The following FAM110B variants were observed in gnomAD, a reference collection of about 807,000 sequenced individuals.
FAM110B encodes family with sequence similarity 110 member B.
In FAM110B, 6 loss-of-function variants were observed where a neutral mutation model predicts 20.4. The ratio of observed to expected loss-of-function variants is 0.29; its 90% CI spans 0.16 to 0.58. The LOEUF is 0.58. Ranked by LOEUF, FAM110B falls within the 20% of genes least tolerant of loss-of-function variation. FAM110B has a pLI of 0.90. For missense variants in FAM110B, 434 were observed against 498.2 expected (o/e 0.87, Z 1.23); for synonymous variants, 226 against 214.1 (o/e 1.06, Z -0.49).
chr8:58,034,272 C>T (rs557439691), intron 2 of FAM110B, among the ~76,000 whole-genome samples: 1 of 152,272 alleles, frequency 6.6e-6, no homozygotes, highest in South Asian at 2.1e-4. Flanking sequence ...CATTGAGTTG[C>T]CAGCTTTGAA....
chr8:58,094,880 G>T (rs530298469), intron 3 of FAM110B, among the ~76,000 whole-genome samples: 1 of 152,168 alleles, frequency 6.6e-6, no homozygotes, highest in African/African-American at 2.4e-5. Context: ...TCTTGTCTTG[G>T]ATTTTTTTTG....
rs1467354230 is a variant in FAM110B at position 58,021,071 on chromosome 8, CT to C, written c.-511-10529del. Among the ~76,000 whole-genome samples the C allele has an allele frequency of 3.9e-5, 6 of 152,196 alleles. No individual in the cohort carries two copies. The East Asian group carries it at 7.7e-4, about 20-fold the overall frequency. On this transcript the variant is annotated intron_variant, in intron 1 of 3. Transcript: ENST00000519262. ...TTTTTTGTTGCCATCGGATGGAAGGCTTTTTTGTGCTTCTAATTAGACACAG... is the reference window on the plus strand; with the variant it reads ...TTTTTTGTTGCCATCGGATGGAAGGCTTTTTGTGCTTCTAATTAGACACAG...
intron 1 of FAM110B, among the ~76,000 whole-genome samples, chr8:58,020,479 G>A (rs1658191918): frequency 6.6e-6 from 1 of 152,212 alleles, no homozygotes; most frequent in African/African-American, 2.4e-5. Context: ...CTAAAGAGCT[G>A]TATATTCAGA....
chr8:57,998,099 A>G (rs943697384), intron 1 of FAM110B, among the ~76,000 whole-genome samples: 2 of 152,234 alleles, frequency 1.3e-5, no homozygotes, highest in African/African-American at 4.8e-5. Flanking sequence ...ACTCATTGAC[A>G]TACTTTGAAT....
At chr8:58,006,923 A>ATTTTTTT (rs1554568496) in intron 1 of FAM110B, among the ~76,000 whole-genome samples, 17 of 126,536 alleles carry the variant, frequency 1.3e-4, no homozygotes, top group Admixed American at 1.0e-3. Context: ...ATATATATAT[A>ATTTTTTT]TTTTTCCAAA....
At chr8:58,005,673 G>A (rs772341616) in intron 1 of FAM110B, among the ~76,000 whole-genome samples, 10 of 152,152 alleles carry the variant, frequency 6.6e-5, no homozygotes, top group Non-Finnish European at 1.5e-4. Flanking sequence ...TCTGTAAGGT[G>A]CACATGGAGA....
chr8:58,003,833 A>C (rs1278398566), intron 1 of FAM110B, among the ~76,000 whole-genome samples: 1 of 152,214 alleles, frequency 6.6e-6, no homozygotes, highest in Non-Finnish European at 1.5e-5. Context: ...GCCCTGGGAC[A>C]TTCAGAATGG....
chr8:58,129,207 T>C lies in FAM110B; in HGVS notation c.-324-16700T>C, dbSNP rs922636295. On this transcript the variant is annotated intron_variant, in intron 3 of 3. Coordinates refer to ENST00000519262, the MANE Select transcript of FAM110B (RefSeq NM_001377989.1). ...GGAAGGGAAACCACCTGAGTCAGAG[T>C]TGGTCTGGAGAGGCAAGCATTACAC... Among the ~76,000 whole-genome samples, 5 of 152,038 alleles carry C rather than the reference T, an allele frequency of 3.3e-5. No individual in the cohort carries two copies. In the East Asian group the frequency reaches 9.6e-4, roughly 29 times the overall value.
At chr8:58,068,312 T>A (rs1038410098) in intron 2 of FAM110B, among the ~76,000 whole-genome samples, 14 of 152,352 alleles carry the variant, frequency 9.2e-5, no homozygotes, top group East Asian at 7.7e-4. Flanking sequence ...GCCAATTATC[T>A]CCATCATATT....
chr8:58,079,409 G>A (rs1806131176), intron 3 of FAM110B, among the ~76,000 whole-genome samples: 1 of 152,170 alleles, frequency 6.6e-6, no homozygotes, highest in African/African-American at 2.4e-5. Context: ...TCAGAAGGAA[G>A]TATAATTCTA....
chr8:58,003,708 G>C (rs905939445), intron 1 of FAM110B, among the ~76,000 whole-genome samples: 1 of 152,184 alleles, frequency 6.6e-6, no homozygotes, highest in African/African-American at 2.4e-5. Context: ...CCTGAGCAGT[G>C]GGTCTCAACA....
At chr8:58,017,211 A>T (rs1446826821) in intron 1 of FAM110B, among the ~76,000 whole-genome samples, 1 of 152,192 alleles carries the variant, frequency 6.6e-6, no homozygotes, top group Admixed American at 6.5e-5. Context: ...GAGCATTTAC[A>T]AGGCTTAAGG....
intron 2 of FAM110B, among the ~76,000 whole-genome samples, chr8:58,072,483 G>A (rs1002690300): frequency 6.6e-6 from 1 of 152,142 alleles, no homozygotes; most frequent in Non-Finnish European, 1.5e-5. Flanking sequence ...TTAAACAAGT[G>A]TTATTTATGT....
At chr8:58,096,888 G>A (rs903115233) in intron 3 of FAM110B, among the ~76,000 whole-genome samples, 2 of 152,222 alleles carry the variant, frequency 1.3e-5, no homozygotes, top group Non-Finnish European at 2.9e-5. Context: ...CTTCTGGCTT[G>A]TAGGGTTTCT....
chr8:58,094,051 T>C (rs1806554931), intron 3 of FAM110B, among the ~76,000 whole-genome samples: 1 of 152,198 alleles, frequency 6.6e-6, no homozygotes, highest in Non-Finnish European at 1.5e-5. Flanking sequence ...TCTCTGTTTG[T>C]CTATTATTGG....
intron 3 of FAM110B, among the ~76,000 whole-genome samples, chr8:58,135,570 CA>C (rs1803591227): frequency 2.0e-5 from 3 of 152,092 alleles, no homozygotes; most frequent in African/African-American, 7.2e-5. Context: ...AAATATTTTT[CA>C]AAAATAAATG....
At chr8:58,125,444 C>T (rs1207463602) in intron 3 of FAM110B, among the ~76,000 whole-genome samples, 1 of 152,160 alleles carries the variant, frequency 6.6e-6, no homozygotes, top group Non-Finnish European at 1.5e-5. Context: ...ATTTAATATC[C>T]TCATAGACAT....
At chr8:58,096,500 G>T (rs1449104517) in intron 3 of FAM110B, among the ~76,000 whole-genome samples, 2 of 152,052 alleles carry the variant, frequency 1.3e-5, no homozygotes, top group African/African-American at 2.4e-5. Context: ...TATCCAATTT[G>T]CCAGTCTGTG....
intron 2 of FAM110B, among the ~76,000 whole-genome samples, chr8:58,048,820 T>C (rs1264331733): frequency 6.6e-6 from 1 of 152,184 alleles, no homozygotes; most frequent in Non-Finnish European, 1.5e-5. Context: ...GATCACTGAG[T>C]TTCAGAAATT....
Sources: allele counts gnomAD v4.1 joint callset (sites outside exome capture counted in the v4.1 genomes callset), GRCh38; gene constraint gnomAD v4.1.1; transcripts MANE v1.5; gene names NCBI Gene and HGNC (gene_info 2026-07-23, HGNC 2026-07-21).